Variants in FREM2 observed in about 807,000 individuals in gnomAD.
FREM2 encodes the protein FRAS1 related extracellular matrix 2.
Under a neutral mutation model 219.9 loss-of-function variants are expected in FREM2, and 119 were observed. The observed-to-expected ratio is 0.54, with a 90% CI of 0.47 to 0.63. The LOEUF is 0.63. Among genes scored for constraint, FREM2 ranks in the 30% least tolerant of loss-of-function variants. The pLI is 0.00. For synonymous variants in FREM2, 1,562 were observed against 1,522.8 expected (o/e 1.03, Z -0.60); for missense variants, 4,030 against 3,993.6 (o/e 1.01, Z -0.25).
rs780938547 is a variant in FREM2, at chr13:38,857,989, G to A, written c.7171G>A (p.Glu2391Lys). Residue 2391 changes from glutamate (E) to lysine (K), a missense_variant, in exon 13 of 24, where the codon GAG (glutamate) becomes AAG (lysine). By Grantham distance (56) the Glu-to-Lys change is moderately conservative. Transcript: ENST00000280481. ...LMYDDTSKAKESAEPMSGYPV... is the reference protein window; with the variant it reads ...LMYDDTSKAKKSAEPMSGYPV... The stretch of plus-strand genomic sequence containing the variant: ...GTATGACGACACTTCCAAAGCTAAG[G>A]AGAGTGCTGAACCCATGTCTGGCTA... 6.2e-6 allele frequency: 10 copies of A among 1,614,056 alleles called. No homozygotes were observed. The Admixed American group carries it at 1.2e-4, about 19-fold the overall frequency.
At chr13:38,703,473 G>A (rs1292385979) in intron 2 of FREM2, among the ~76,000 whole-genome samples, 1 of 152,032 alleles carries the variant, frequency 6.6e-6, no homozygotes, top group East Asian at 1.9e-4. Flanking sequence ...ACAGATCTTG[G>A]GAAGGAGTGT....
intron 2 of FREM2, among the ~76,000 whole-genome samples, chr13:38,718,338 G>A (rs1347325790): frequency 2.0e-5 from 3 of 152,192 alleles, no homozygotes; most frequent in Non-Finnish European, 4.4e-5. Flanking sequence ...CTCCAGGGGT[G>A]AAAAGGTGTT....
intron 2 of FREM2, among the ~76,000 whole-genome samples, chr13:38,701,158 C>T (rs993273049): frequency 1.8e-4 from 27 of 151,908 alleles, no homozygotes; most frequent in African/African-American, 6.5e-4. Context: ...TTTTATAATG[C>T]AATATGCTTA....
At chr13:38,817,767 G>C (rs1468534954) in intron 6 of FREM2, among the ~76,000 whole-genome samples, 2 of 152,064 alleles carry the variant, frequency 1.3e-5, no homozygotes, top group Non-Finnish European at 2.9e-5. Flanking sequence ...AGAGTGAAGA[G>C]ACAACCTACA....
intron 6 of FREM2, among the ~76,000 whole-genome samples, chr13:38,799,492 C>CT (rs1874926863): frequency 6.6e-6 from 1 of 151,904 alleles, no homozygotes; most frequent in African/African-American, 2.4e-5. Context: ...GTTCTGTAGT[C>CT]TAGTTTAAAA....
intron 6 of FREM2, among the ~76,000 whole-genome samples, chr13:38,791,940 A>G (rs545993141): frequency 6.6e-6 from 1 of 152,300 alleles, no homozygotes; most frequent in African/African-American, 2.4e-5. Context: ...ATCATACTGT[A>G]GCAAACCCTA....
Position 38,878,812 on chromosome 13 carries a change from C to CT in FREM2, c.8860-16dup. 3.7e-6 allele frequency: 6 copies of CT among 1,613,876 alleles called. No homozygotes were observed. Among genetic ancestry groups the CT allele is most frequent in the Non-Finnish European group, 5.1e-6 (6 of 1,179,698 alleles). ...GTGGCATTATCTACAGCAATCACCA[C>CT]TTTCCTTACTGCTTAAAGGACAAAG... On this transcript the variant is annotated intron_variant, in intron 22 of 23. Coordinates refer to ENST00000280481, the MANE Select transcript of FREM2 (RefSeq NM_207361.6).
chr13:38,859,396 G>T lies in FREM2; in HGVS notation c.7325G>T (p.Gly2442Val), dbSNP rs201857311. ...RYRWLISAPA[G>V]PDGVTSPMRE... Reference sequence around the variant, plus strand: ...CGGTGGCTGATTAGTGCACCTGCGGGCCCTGACGGTGTGACCAGCCCTATG... The same window carrying T: ...CGGTGGCTGATTAGTGCACCTGCGGTCCCTGACGGTGTGACCAGCCCTATG... The change falls in exon 14 of 24, where the codon GGC becomes GTC. Residue 2442 changes from glycine to valine, a missense_variant. This residue lies in a region of FREM2 where 928 missense variants were observed against 1,042.9 expected (regional missense o/e 0.89). Coordinates refer to ENST00000280481, the MANE Select transcript of FREM2 (RefSeq NM_207361.6). 2.2e-5 allele frequency: 35 copies of T among 1,614,072 alleles called. No homozygotes were observed. Among genetic ancestry groups the T allele is most frequent in the Non-Finnish European group, 2.8e-5 (33 of 1,180,042 alleles).
intron 2 of FREM2, among the ~76,000 whole-genome samples, chr13:38,758,887 G>T (rs1182283597): frequency 6.6e-6 from 1 of 152,158 alleles, no homozygotes; most frequent in Non-Finnish European, 1.5e-5. Context: ...CAAATTATCT[G>T]CCCAGTGCAG....
chr13:38,780,611 T>C (rs1474338088), intron 4 of FREM2, among the ~76,000 whole-genome samples: 3 of 152,160 alleles, frequency 2.0e-5, no homozygotes, highest in African/African-American at 7.2e-5. Flanking sequence ...TATTGAGAGA[T>C]TGAATGTAAA....
intron 2 of FREM2, among the ~76,000 whole-genome samples, chr13:38,704,559 G>T (rs972519878): frequency 6.6e-6 from 1 of 152,188 alleles, no homozygotes; most frequent in Non-Finnish European, 1.5e-5. Context: ...CAGCATGCCT[G>T]CAGCTCCATG....
intron 15 of FREM2, 148 bp downstream of exon 15, chr13:38,861,710 T>C: frequency 1.1e-6 from 1 of 874,164 alleles, no homozygotes; most frequent in South Asian, 1.4e-5. Flanking sequence ...TTCAACTGTT[T>C]TAGCTTTGTT....
In FREM2 at chr13:38,874,524, G is replaced by A. The variant is rs140241152; in HGVS notation, c.8219G>A (p.Arg2740His). The change falls in exon 18 of 24, where the codon CGC (arginine) becomes CAC (histidine). Residue 2740 changes from arginine (R) to histidine (H), a missense_variant. By Grantham distance (29) the Arg-to-His change is conservative. This residue lies in a region of FREM2 where 928 missense variants were observed against 1,042.9 expected (regional missense o/e 0.89). Coordinates refer to ENST00000280481, the MANE Select transcript of FREM2 (RefSeq NM_207361.6). The stretch of plus-strand genomic sequence containing the variant: ...AGCATGCGCATCGGTGATGAGGGGC[G>A]CTTGGCCGTGCACTTCAAGACAGAG... The part of the protein sequence containing the change: ...PTSMRIGDEG[R>H]LAVHFKTEAQ... 27 of 1,613,964 alleles carry A rather than the reference G, an allele frequency of 1.7e-5. No homozygotes were observed. Among genetic ancestry groups the A allele is most frequent in the African/African-American group, 1.1e-4 (8 of 74,900 alleles).
At chr13:38,713,600 C>T (rs1290589636) in intron 2 of FREM2, among the ~76,000 whole-genome samples, 1 of 152,154 alleles carries the variant, frequency 6.6e-6, no homozygotes, top group Non-Finnish European at 1.5e-5. Context: ...ATTTTTATCT[C>T]CTGTGATTTA....
intron 2 of FREM2, among the ~76,000 whole-genome samples, chr13:38,705,248 C>G (rs946392124): frequency 3.9e-5 from 6 of 151,984 alleles, no homozygotes; most frequent in African/African-American, 1.5e-4. Flanking sequence ...ATCTGTAAGA[C>G]TTATTGATGA....
rs144935150 is a variant in FREM2, at chr13:38,872,814, G to A, written c.8056G>A (p.Val2686Met). 5.0e-6 allele frequency: 8 copies of A among 1,613,982 alleles called. No homozygotes were observed. The Admixed American group carries it at 5.0e-5, about 10-fold the overall frequency. The change falls in exon 17 of 24, where the codon GTG becomes ATG. Residue 2686 changes from valine to methionine, a missense_variant. Physicochemically the swap from Val to Met is conservative, Grantham distance 21. Coordinates refer to ENST00000280481, the MANE Select transcript of FREM2 (RefSeq NM_207361.6). ...LYVSYVFHSP[V>M]GVGGWQHFDL... The stretch of plus-strand genomic sequence containing the variant: ...TGTTTCCTACGTGTTCCATTCCCCC[G>A]TGGGGGTAGGAGGCTGGCAGCATTT...
At chr13:38,873,233 A>C (rs1179283577) in intron 17 of FREM2, among the ~76,000 whole-genome samples, 1 of 152,184 alleles carries the variant, frequency 6.6e-6, no homozygotes, top group East Asian at 1.9e-4. Flanking sequence ...CAACATATAT[A>C]TTTTTCTGAA....
At chr13:38,742,231 A>C (rs1291827572) in intron 2 of FREM2, among the ~76,000 whole-genome samples, 1 of 152,236 alleles carries the variant, frequency 6.6e-6, no homozygotes, top group African/African-American at 2.4e-5. Context: ...GTATGCAACT[A>C]CAAGGGTTGT....
chr13:38,774,157 G>A (rs1026605805), intron 4 of FREM2, among the ~76,000 whole-genome samples: 10 of 151,782 alleles, frequency 6.6e-5, no homozygotes, highest in Non-Finnish European at 1.3e-4. Context: ...TACTTATCTT[G>A]TATATGAAAA....
Sources: allele counts gnomAD v4.1 joint callset (sites outside exome capture counted in the v4.1 genomes callset), GRCh38; gene constraint gnomAD v4.1.1; regional missense constraint gnomAD v4.1.1; transcripts MANE v1.5; gene names NCBI Gene and HGNC (gene_info 2026-07-23, HGNC 2026-07-21).